Variants in POU2F1 observed in about 807,000 individuals in gnomAD.
The protein encoded by POU2F1 is POU domain, class 2, transcription factor 1.
In POU2F1, 16 loss-of-function variants were observed where a neutral mutation model predicts 84.9. The ratio of observed to expected loss-of-function variants is 0.19; its 90% CI spans 0.13 to 0.29. The LOEUF is 0.29. Ranked by LOEUF, POU2F1 falls within the 10% of genes least tolerant of loss-of-function variation. POU2F1 has a pLI of 1.00. For synonymous variants in POU2F1, 368 were observed against 368.3 expected (o/e 1.00, Z 0.01); for missense variants, 738 against 942.6 (o/e 0.78, Z 2.84).
intron 1 of POU2F1, among the ~76,000 whole-genome samples, chr1:167,264,182 GTA>G (rs1189255387): frequency 2.0e-5 from 3 of 151,986 alleles, no homozygotes; most frequent in African/African-American, 7.3e-5. Flanking sequence ...ATTTATAGTG[GTA>G]TGTCAGGAAA....
intron 1 of POU2F1, among the ~76,000 whole-genome samples, chr1:167,299,709 A>AGTTTTTTTT: frequency 7.9e-6 from 1 of 127,066 alleles, no homozygotes. Flanking sequence ...TTTTTTTTTC[A>AGTTTTTTTT]TTTTATTTTG....
intron 8 of POU2F1, among the ~76,000 whole-genome samples, chr1:167,384,677 A>G (rs1316761052): frequency 6.6e-6 from 1 of 151,982 alleles, no homozygotes; most frequent in Non-Finnish European, 1.5e-5. Context: ...AACTAGATAT[A>G]GAAGGTAACT....
intron 1 of POU2F1, among the ~76,000 whole-genome samples, chr1:167,284,293 G>A (rs1024372054): frequency 6.6e-6 from 1 of 152,194 alleles, no homozygotes; most frequent in South Asian, 2.1e-4. Context: ...TAGTTTTACA[G>A]ATAGGTCAGT....
intron 1 of POU2F1, among the ~76,000 whole-genome samples, chr1:167,298,162 A>C (rs772142891): frequency 8.2e-4 from 125 of 151,980 alleles, no homozygotes; most frequent in Non-Finnish European, 1.6e-3. Flanking sequence ...AAAAACAAAC[A>C]AATAGAGCAA....
At chr1:167,400,046 C>T (rs1649097238) in intron 12 of POU2F1, among the ~76,000 whole-genome samples, 1 of 119,344 alleles carries the variant, frequency 8.4e-6, no homozygotes, top group African/African-American at 3.3e-5. Context: ...TGCAATGGTA[C>T]GATTTCAGCT....
intron 1 of POU2F1, among the ~76,000 whole-genome samples, chr1:167,243,505 C>T (rs958519661): frequency 6.6e-5 from 10 of 152,138 alleles, no homozygotes; most frequent in African/African-American, 2.4e-4. Flanking sequence ...GACGGAGTCT[C>T]GCTCTTGTCG....
rs551290445 is a variant in POU2F1, at chr1:167,366,991, A to G, written c.228+1424A>G. 6.6e-5 allele frequency among the ~76,000 whole-genome samples: 10 copies of G among 152,298 alleles called. No individual in the cohort carries two copies. In the East Asian group the frequency reaches 1.2e-3, roughly 18 times the overall value. On this transcript the variant is annotated intron_variant, in intron 3 of 15. Coordinates refer to ENST00000367866, the MANE Select transcript of POU2F1 (RefSeq NM_002697.4). Reference sequence around the variant, plus strand: ...TCTCTGCAGGATCCTTCTGGATCCAAATTCCAAGATGATTGCAACTCTCCC... The same window carrying G: ...TCTCTGCAGGATCCTTCTGGATCCAGATTCCAAGATGATTGCAACTCTCCC...
chr1:167,281,853 G>A (rs1653165064), intron 1 of POU2F1, among the ~76,000 whole-genome samples: 1 of 152,176 alleles, frequency 6.6e-6, no homozygotes, highest in Admixed American at 6.5e-5. Context: ...TCTCAACGGT[G>A]CATCACATTA....
intron 1 of POU2F1, among the ~76,000 whole-genome samples, chr1:167,251,141 G>A (rs545040506): frequency 1.3e-5 from 2 of 152,188 alleles, no homozygotes; most frequent in African/African-American, 2.4e-5. Context: ...GCTCATGCCT[G>A]TAATCCCAGC....
chr1:167,225,730 T>TA, intron 1 of POU2F1, among the ~76,000 whole-genome samples: 1 of 152,246 alleles, frequency 6.6e-6, no homozygotes, highest in Non-Finnish European at 1.5e-5. Flanking sequence ...TATTTGTGTT[T>TA]TTTAAGTTGG....
intron 13 of POU2F1, 21 bp downstream of exon 13, chr1:167,401,577 G>T: frequency 6.4e-7 from 1 of 1,563,644 alleles, no homozygotes; most frequent in South Asian, 1.2e-5. Flanking sequence ...GCCAGGCCAT[G>T]CACCTGCTGA....
rs186492340 is a variant in POU2F1, at chr1:167,386,483, G to A, written c.813+2532G>A. On this transcript the variant is annotated intron_variant, in intron 8 of 15. Coordinates refer to ENST00000367866, the MANE Select transcript of POU2F1 (RefSeq NM_002697.4). ...TGACAGGCGTGAGCCACCGCACCAG[G>A]CTGGCAGTTTCTTATAAAATTAAAT... Among the ~76,000 whole-genome samples, 30 of 152,306 alleles carry A rather than the reference G, an allele frequency of 2.0e-4. No individual in the cohort carries two copies. The East Asian group carries it at 5.6e-3, about 28-fold the overall frequency.
chr1:167,259,763 T>C (rs1424890432), intron 1 of POU2F1, among the ~76,000 whole-genome samples: 1 of 152,198 alleles, frequency 6.6e-6, no homozygotes, highest in Non-Finnish European at 1.5e-5. Context: ...TTTGCCAAGA[T>C]AGTGTAATTT....
At chr1:167,397,271 C>T (rs1161079608) in intron 10 of POU2F1, among the ~76,000 whole-genome samples, 1 of 152,038 alleles carries the variant, frequency 6.6e-6, no homozygotes, top group Non-Finnish European at 1.5e-5. Context: ...TTTCTTTTTA[C>T]CCTAGATTAT....
intron 1 of POU2F1, among the ~76,000 whole-genome samples, chr1:167,255,567 A>G (rs1329359302): frequency 6.6e-6 from 1 of 152,234 alleles, no homozygotes; most frequent in Non-Finnish European, 1.5e-5. Flanking sequence ...AACTTTAGAA[A>G]GATGACAGTG....
chr1:167,368,030 T>G (rs1440795502), intron 3 of POU2F1, among the ~76,000 whole-genome samples: 2 of 152,194 alleles, frequency 1.3e-5, no homozygotes, highest in South Asian at 4.1e-4. Flanking sequence ...AAAACTGCAG[T>G]GCAAATTTCA....
intron 2 of POU2F1, among the ~76,000 whole-genome samples, chr1:167,358,351 T>C (rs1659111886): frequency 6.6e-6 from 1 of 151,982 alleles, no homozygotes; most frequent in Admixed American, 6.5e-5. Context: ...AACTGGCTTG[T>C]ATTTATATTT....
chr1:167,404,096 G>A (rs1649391324), intron 13 of POU2F1, among the ~76,000 whole-genome samples: 1 of 151,378 alleles, frequency 6.6e-6, no homozygotes, highest in African/African-American at 2.4e-5. Context: ...TCAAAGAAGG[G>A]GCCTTTTAAA....
chr1:167,375,239 C>A (rs1220970728), intron 6 of POU2F1, among the ~76,000 whole-genome samples: 1 of 152,068 alleles, frequency 6.6e-6, no homozygotes, highest in Non-Finnish European at 1.5e-5. Flanking sequence ...GTTTGACTAA[C>A]CATTTAAAAA....
Sources: allele counts gnomAD v4.1 joint callset (sites outside exome capture counted in the v4.1 genomes callset), GRCh38; gene constraint gnomAD v4.1.1; transcripts MANE v1.5; gene names NCBI Gene and HGNC (gene_info 2026-07-23, HGNC 2026-07-21).